The following EXOC2 variants were observed in gnomAD, a reference collection of about 807,000 sequenced individuals.
EXOC2 encodes the protein exocyst complex component 2.
A neutral mutation model predicts 131.8 loss-of-function variants in EXOC2; 70 were observed. The ratio of observed to expected loss-of-function variants is 0.53; its 90% CI spans 0.44 to 0.65. The LOEUF (loss-of-function observed/expected upper bound fraction) is 0.65, where lower values mean the gene tolerates loss of function less well. Ranked by LOEUF, EXOC2 falls within the 30% of genes least tolerant of loss-of-function variation. The pLI, the probability that EXOC2 is intolerant of heterozygous loss-of-function variation, is 0.00. For synonymous variants in EXOC2, 411 were observed against 398.4 expected (o/e 1.03, Z -0.38); for missense variants, 923 against 1,108.6 (o/e 0.83, Z 2.38).
intron 24 of EXOC2, among the ~76,000 whole-genome samples, chr6:498,460 A>G (rs933056315): frequency 1.3e-5 from 2 of 152,200 alleles, no homozygotes; most frequent in Non-Finnish European, 2.9e-5. Flanking sequence ...GAATTTTTAT[A>G]TTTTTTATAA....
At chr6:605,303 G>A (rs759876460) in intron 7 of EXOC2, among the ~76,000 whole-genome samples, 2 of 152,160 alleles carry the variant, frequency 1.3e-5, no homozygotes, top group East Asian at 1.9e-4. Context: ...ATCCAAAAAC[G>A]TTTGTTGAAA....
intron 11 of EXOC2, among the ~76,000 whole-genome samples, chr6:579,618 T>A (rs1435032908): frequency 6.6e-6 from 1 of 152,220 alleles, no homozygotes; most frequent in East Asian, 1.9e-4. Flanking sequence ...TGTATTTCTC[T>A]CCCTAACACT....
intron 17 of EXOC2, among the ~76,000 whole-genome samples, chr6:559,168 G>C (rs1030970784): frequency 1.3e-5 from 2 of 152,146 alleles, no homozygotes; most frequent in African/African-American, 4.8e-5. Flanking sequence ...AAATTGAAAA[G>C]AGGCAGAAAC....
chr6:492,255 G>A (rs1763478435), intron 25 of EXOC2, among the ~76,000 whole-genome samples: 1 of 152,162 alleles, frequency 6.6e-6, no homozygotes, highest in Non-Finnish European at 1.5e-5. Context: ...ATCAATAAGA[G>A]ACAATAACAA....
At chr6:638,482 T>C (rs1323276180) in intron 1 of EXOC2, among the ~76,000 whole-genome samples, 2 of 152,346 alleles carry the variant, frequency 1.3e-5, no homozygotes, top group South Asian at 2.1e-4. Flanking sequence ...TGTGTTCAAG[T>C]ACTGCTGCTC....
chr6:627,490 G>A (rs755434130), intron 4 of EXOC2, among the ~76,000 whole-genome samples: 5 of 152,106 alleles, frequency 3.3e-5, no homozygotes, highest in African/African-American at 2.4e-5. Flanking sequence ...TACAGGATCC[G>A]CGCCTTTCTC....
chr6:491,215 A>G (rs180840457), intron 25 of EXOC2, 29 bp from the exon 26 acceptor site: 1 of 1,611,380 alleles, frequency 6.2e-7, no homozygotes, highest in East Asian at 2.2e-5. Context: ...CAAAGTGACA[A>G]CAGGAAAATT....
chr6:681,396 C>T (rs756455053), intron 1 of EXOC2, among the ~76,000 whole-genome samples: 10 of 152,180 alleles, frequency 6.6e-5, no homozygotes, highest in Non-Finnish European at 1.3e-4. Context: ...TGCTTCCACA[C>T]AGAATTACAC....
chr6:607,656 A>T (rs1186921520), intron 7 of EXOC2, among the ~76,000 whole-genome samples: 2 of 152,390 alleles, frequency 1.3e-5, no homozygotes, highest in Admixed American at 1.3e-4. Context: ...GGAAGTGCTC[A>T]GTAGCTACAT....
At chr6:573,428 G>C (rs1039448207) in intron 12 of EXOC2, among the ~76,000 whole-genome samples, 9 of 152,032 alleles carry the variant, frequency 5.9e-5, no homozygotes, top group African/African-American at 2.2e-4. Context: ...CACTCCACTC[G>C]GTGGCCATGG....
chr6:547,049 T>G (rs1387075091), intron 22 of EXOC2, among the ~76,000 whole-genome samples: 1 of 152,222 alleles, frequency 6.6e-6, no homozygotes, highest in East Asian at 1.9e-4. Context: ...ACAGGTCAAG[T>G]CCTTGACCTC....
At chr6:657,463 T>G (rs1387722453) in intron 1 of EXOC2, among the ~76,000 whole-genome samples, 1 of 152,214 alleles carries the variant, frequency 6.6e-6, no homozygotes, top group African/African-American at 2.4e-5. Context: ...GAAACAAATC[T>G]ACACCATCTT....
chr6:692,728 G>C (rs552086234), intron 1 of EXOC2, among the ~76,000 whole-genome samples: 8 of 151,972 alleles, frequency 5.3e-5, no homozygotes, highest in African/African-American at 1.7e-4. Flanking sequence ...GCGGGGCCTG[G>C]AGTCAGCCCT....
At chr6:552,103 C>T (rs929508512) in intron 21 of EXOC2, among the ~76,000 whole-genome samples, 2 of 152,198 alleles carry the variant, frequency 1.3e-5, no homozygotes, top group South Asian at 2.1e-4. Flanking sequence ...TCCCAGGCAC[C>T]GATGAAGCTC....
rs546934355 is a variant in EXOC2 at position 603,749 on chromosome 6, C to A, written c.743-4524G>T. 3.9e-5 allele frequency among the ~76,000 whole-genome samples: 6 copies of A among 152,198 alleles called. No homozygotes were observed. In the South Asian group the frequency reaches 1.2e-3, roughly 32 times the overall value. ...CTTAGCATTCTTCTTTCATTTTGCA[C>A]GTGGTACTTGGGTTAAATCATTCAA... On this transcript the variant is annotated intron_variant, in intron 7 of 27. Coordinates refer to ENST00000230449, the MANE Select transcript of EXOC2 (RefSeq NM_018303.6).
chr6:518,686 A>G (rs1161936714), intron 23 of EXOC2, among the ~76,000 whole-genome samples: 1 of 152,226 alleles, frequency 6.6e-6, no homozygotes. Context: ...ACTCTAATAT[A>G]TCAAACAGCT....
chr6:647,611 C>G (rs146495845), intron 1 of EXOC2, among the ~76,000 whole-genome samples: 1 of 118,594 alleles, frequency 8.4e-6, no homozygotes, highest in East Asian at 2.4e-4. Context: ...TGAATGTGAC[C>G]GCTCACATTC....
intron 23 of EXOC2, among the ~76,000 whole-genome samples, chr6:518,685 T>C (rs1331894588): frequency 6.6e-6 from 1 of 152,138 alleles, no homozygotes; most frequent in African/African-American, 2.4e-5. Context: ...GACTCTAATA[T>C]ATCAAACAGC....
At chr6:645,516 A>G (rs956415673) in intron 1 of EXOC2, among the ~76,000 whole-genome samples, 1 of 152,220 alleles carries the variant, frequency 6.6e-6, no homozygotes, top group Non-Finnish European at 1.5e-5. Context: ...TATTCACAAT[A>G]GATACAAATG....
Sources: gnomAD v4.1 joint callset for allele counts (sites outside exome capture counted in the v4.1 genomes callset) on GRCh38, gnomAD v4.1.1 for gene constraint, MANE v1.5 for transcripts, NCBI Gene and HGNC (gene_info 2026-07-23, HGNC 2026-07-21) for gene names.